TGS1: variants seen among roughly 807,000 people sequenced by gnomAD.
TGS1 encodes trimethylguanosine synthase 1.
Under a neutral mutation model 92.2 loss-of-function variants are expected in TGS1, and 69 were observed. The ratio of observed to expected loss-of-function variants is 0.75; its 90% CI spans 0.62 to 0.91. The LOEUF is 0.91. Ranked by LOEUF, TGS1 falls within the 40% of genes least tolerant of loss-of-function variation. TGS1 has a pLI of 0.00. For synonymous variants in TGS1, 345 were observed against 338.1 expected (o/e 1.02, Z -0.22); for missense variants, 1,062 against 1,001.2 (o/e 1.06, Z -0.82).
chr8:55,780,425 A>G (rs1256309883), intron 1 of TGS1, among the ~76,000 whole-genome samples: 3 of 152,108 alleles, frequency 2.0e-5, no homozygotes, highest in Non-Finnish European at 2.9e-5. Flanking sequence ...GTCATGCCTT[A>G]GCAGGAGTGC....
chr8:55,824,666 T>C lies in TGS1; in HGVS notation c.2525T>C (p.Phe842Ser). 1 of 1,614,222 alleles carries C rather than the reference T, an allele frequency of 6.2e-7. No homozygotes were observed. Among genetic ancestry groups the C allele is most frequent in the Admixed American group, 1.7e-5 (1 of 60,024 alleles). ...AAATTGAAGACAATCACTGCATATT[T>C]TGGTGACCTAATTCGAAGACCAGCC... ...NNKLKTITAYFGDLIRRPASE... is the reference protein window; with the variant it reads ...NNKLKTITAYSGDLIRRPASE... The change falls in exon 13 of 13, where the codon TTT (phenylalanine) becomes TCT (serine). Residue 842 changes from phenylalanine to serine, a missense_variant. Physicochemically the swap from Phe to Ser is radical, Grantham distance 155. Transcript: ENST00000260129.
At chr8:55,785,939 T>C in intron 3 of TGS1, 48 bp downstream of exon 3, 2 of 1,465,922 alleles carry the variant, frequency 1.4e-6, no homozygotes, top group Non-Finnish European at 1.9e-6. Context: ...GTTTTCTTTA[T>C]AAAATATCGC....
intron 12 of TGS1, among the ~76,000 whole-genome samples, chr8:55,819,060 G>C (rs1443594413): frequency 1.3e-5 from 2 of 152,224 alleles, no homozygotes; most frequent in Admixed American, 1.3e-4. Context: ...TCCTACCTCA[G>C]CCTTCAGAGT....
At chr8:55,801,582 C>CCTTTTTTTTTTTTTTTTTTTTTTTTTTT (rs1214681045) in intron 8 of TGS1, among the ~76,000 whole-genome samples, 2 of 48,216 alleles carry the variant, frequency 4.1e-5, no homozygotes, top group African/African-American at 1.9e-4. Flanking sequence ...CCCCATCGTT[C>CCTTTTTTTTTTTTTTTTTTTTTTTTTTT]TTTTTTTTTT....
chr8:55,794,350 C>G (rs1361328615), intron 6 of TGS1, among the ~76,000 whole-genome samples: 4 of 152,156 alleles, frequency 2.6e-5, no homozygotes, highest in African/African-American at 9.7e-5. Flanking sequence ...GCCACCACGC[C>G]CAGTCCATTT....
intron 8 of TGS1, 28 bp downstream of exon 8, chr8:55,799,248 A>G: frequency 6.4e-7 from 1 of 1,560,452 alleles, no homozygotes; most frequent in Non-Finnish European, 8.6e-7. Flanking sequence ...TCAACTTGCT[A>G]ATGGATTTAG....
chr8:55,799,004 A>G lies in TGS1; in HGVS notation c.1633A>G (p.Thr545Ala), dbSNP rs148455362. 2.5e-5 allele frequency: 40 copies of G among 1,614,106 alleles called. No homozygotes were observed. The highest frequency in any genetic ancestry group is 3.1e-5 in the Non-Finnish European group (37 of 1,180,042). Residue 545 changes from threonine to alanine, a missense_variant, in exon 8 of 13, where the codon ACA becomes GCA. Thr to Ala is a moderately conservative substitution (Grantham distance 58). Coordinates refer to ENST00000260129, the MANE Select transcript of TGS1 (RefSeq NM_024831.8). ...TCATGACAATGTGCACGACGCTTCC[A>G]CAAGTAGTGATTCAGAGGAACAAGA... The part of the protein sequence containing the change: ...SSHDNVHDAS[T>A]SSDSEEQDMS...
chr8:55,785,934 C>T, intron 3 of TGS1, 43 bp downstream of exon 3: 1 of 1,497,066 alleles, frequency 6.7e-7, no homozygotes, highest in Non-Finnish European at 9.1e-7. Flanking sequence ...TCTTCGTTTT[C>T]TTTATAAAAT....
At chr8:55,808,486 T>C (rs1324356541) in intron 10 of TGS1, among the ~76,000 whole-genome samples, 1 of 150,120 alleles carries the variant, frequency 6.7e-6, no homozygotes, top group Non-Finnish European at 1.5e-5. Context: ...TATGTAGATA[T>C]ATAGTTCTTT....
chr8:55,808,905 G>A (rs113760860), intron 10 of TGS1, among the ~76,000 whole-genome samples: 4 of 152,166 alleles, frequency 2.6e-5, no homozygotes, highest in East Asian at 1.9e-4. Flanking sequence ...TAGTATCCCC[G>A]TAGGATAGTT....
At chr8:55,773,744 A>T in intron 1 of TGS1, 25 bp downstream of exon 1, 2 of 1,565,910 alleles carry the variant, frequency 1.3e-6, no homozygotes, top group Non-Finnish European at 1.8e-6. Context: ...GAATCTCTTC[A>T]TGTTCTAGCA....
chr8:55,808,205 A>C (rs1170876049), intron 10 of TGS1, among the ~76,000 whole-genome samples: 1 of 152,212 alleles, frequency 6.6e-6, no homozygotes, highest in Non-Finnish European at 1.5e-5. Flanking sequence ...TAGCCTAGAG[A>C]CAAGCTACTT....
Position 55,813,329 on chromosome 8 carries a change from T to C in TGS1, c.2439+211T>C, listed in dbSNP as rs1012399667. On this transcript the variant is annotated intron_variant, in intron 12 of 12. Coordinates refer to ENST00000260129, the MANE Select transcript of TGS1 (RefSeq NM_024831.8). ...AGCTCCTGGCATACATAGACACAAA[T>C]AGAGCACTCTAGGCTTTGACTAGAC... 1.1e-4 allele frequency among the ~76,000 whole-genome samples: 17 copies of C among 152,332 alleles called. 1 individual carries two copies. The highest frequency in any genetic ancestry group is 3.4e-3 in the Middle Eastern group (1 of 294).
intron 10 of TGS1, among the ~76,000 whole-genome samples, chr8:55,805,359 C>T (rs997433459): frequency 1.3e-5 from 2 of 151,880 alleles, no homozygotes; most frequent in African/African-American, 4.8e-5. Flanking sequence ...TCCCTTGTAA[C>T]CTAGATACAT....
In TGS1 at chr8:55,773,605, T is replaced by A. The variant is rs752446512; in HGVS notation, c.-14T>A. 1.3e-5 allele frequency: 21 copies of A among 1,605,872 alleles called. No individual in the cohort carries two copies. The highest frequency in any genetic ancestry group is 4.0e-5 in the African/African-American group (3 of 74,570). On this transcript the variant is annotated 5_prime_UTR_variant, in exon 1 of 13. Transcript: ENST00000260129. ...CCGGGCTGCGTACGTCAGAGCTGCC[T>A]CCGAAGTGGTAAAATGTGCTGCGAG...
At position 55,786,767 on chromosome 8, in the gene TGS1, T is replaced by A; in HGVS notation, c.869T>A (p.Val290Asp). The A allele has an allele frequency of 6.2e-7, 1 of 1,614,170 alleles. No individual in the cohort carries two copies. The highest frequency in any genetic ancestry group is 8.5e-7 in the Non-Finnish European group (1 of 1,180,030). ...AAGAACGATGAAAAATGCATGAAAG[T>A]TGACTTAGTATCTTTTCCATCTTCA... ...DDKNDEKCMK[V>D]DLVSFPSSPI... is the part of the protein sequence containing the mutation. The change falls in exon 4 of 13, where the codon GTT (valine) becomes GAT (aspartate). Residue 290 changes from valine (V) to aspartate (D), a missense_variant. Coordinates refer to ENST00000260129, the MANE Select transcript of TGS1 (RefSeq NM_024831.8).
intron 1 of TGS1, among the ~76,000 whole-genome samples, chr8:55,779,243 C>T (rs189428541): frequency 5.3e-5 from 8 of 152,202 alleles, no homozygotes; most frequent in Admixed American, 1.3e-4. Context: ...ACATCATTCC[C>T]GGTGATGAAT....
At chr8:55,787,788 C>T (rs1310338707) in intron 4 of TGS1, among the ~76,000 whole-genome samples, 2 of 152,164 alleles carry the variant, frequency 1.3e-5, no homozygotes, top group African/African-American at 4.8e-5. Context: ...GCAGGCTGTA[C>T]AGGAAGCATA....
At chr8:55,776,447 A>T (rs1811402171) in intron 1 of TGS1, among the ~76,000 whole-genome samples, 1 of 151,920 alleles carries the variant, frequency 6.6e-6, no homozygotes, top group Non-Finnish European at 1.5e-5. Context: ...TGTCCAGCTA[A>T]TTTTTTGTGT....
Sources: allele counts gnomAD v4.1 joint callset (sites outside exome capture counted in the v4.1 genomes callset), GRCh38; gene constraint gnomAD v4.1.1; transcripts MANE v1.5; gene names NCBI Gene and HGNC (gene_info 2026-07-23, HGNC 2026-07-21).